The following ITPRID1 variants were observed in gnomAD, a reference collection of about 807,000 sequenced individuals.
ITPRID1 encodes protein ITPRID1.
Under a neutral mutation model 95.4 loss-of-function variants are expected in ITPRID1, and 96 were observed. That is an observed-to-expected ratio of 1.01 (90% CI 0.85 to 1.19). The LOEUF (loss-of-function observed/expected upper bound fraction) is 1.19, where lower values mean the gene tolerates loss of function less well. Ranked by LOEUF, ITPRID1 falls within the 50% of genes most tolerant of loss-of-function variation. The pLI is 0.00. For synonymous variants in ITPRID1, 510 were observed against 453.6 expected, an observed-to-expected ratio of 1.12 and a Z score of -1.58; for missense variants, 1,339 against 1,252.9, an observed-to-expected ratio of 1.07 and a Z score of -1.04.
intron 1 of ITPRID1, among the ~76,000 whole-genome samples, chr7:31,519,339 A>T (rs1214920223): frequency 6.6e-6 from 1 of 152,014 alleles, no homozygotes; most frequent in Non-Finnish European, 1.5e-5. Flanking sequence ...CATCATGAAT[A>T]CTCATTAAAT....
intron 10 of ITPRID1, among the ~76,000 whole-genome samples, chr7:31,590,922 T>C (rs933503359): frequency 6.6e-6 from 1 of 152,246 alleles, no homozygotes; most frequent in African/African-American, 2.4e-5. Flanking sequence ...AGAGGTTAAA[T>C]AAGTTGCCTC....
At chr7:31,658,642 TGA>T (rs1193447415), downstream of ITPRID1, 3 of 221,826 alleles carry the variant, frequency 1.4e-5, no homozygotes, top group Non-Finnish European at 2.6e-5. Context: ...TCTTGAAAAT[TGA>T]GAGAACAGGA....
intron 10 of ITPRID1, among the ~76,000 whole-genome samples, chr7:31,617,012 C>CT (rs1354850992): frequency 6.6e-5 from 10 of 152,174 alleles, no homozygotes; most frequent in African/African-American, 2.2e-4. Flanking sequence ...GTGCATTCTT[C>CT]TTTTCTTTAT....
chr7:31,622,101 A>T (rs1787964682), intron 10 of ITPRID1, among the ~76,000 whole-genome samples: 1 of 139,256 alleles, frequency 7.2e-6, no homozygotes, highest in Non-Finnish European at 1.6e-5. Context: ...CCAGATTCAT[A>T]AAGCAAGTCC....
At chr7:31,627,042 G>C (rs1347930719) in intron 10 of ITPRID1, among the ~76,000 whole-genome samples, 1 of 152,128 alleles carries the variant, frequency 6.6e-6, no homozygotes, top group Non-Finnish European at 1.5e-5. Context: ...AGGTGTTCTG[G>C]AGTATTTCTT....
intron 1 of ITPRID1, among the ~76,000 whole-genome samples, chr7:31,517,084 C>T (rs916859108): frequency 6.6e-6 from 1 of 152,122 alleles, no homozygotes; most frequent in Non-Finnish European, 1.5e-5. Context: ...TTGCAAAGAG[C>T]GAAAGAAACC....
chr7:31,542,414 T>A (rs1783962710), intron 1 of ITPRID1, among the ~76,000 whole-genome samples: 1 of 152,212 alleles, frequency 6.6e-6, no homozygotes, highest in South Asian at 2.1e-4. Context: ...ATCTCTGAGA[T>A]GACTCAAATT....
rs986387302 is a variant in ITPRID1 at position 31,652,706 on chromosome 7, C to G, written c.3012C>G (p.Phe1004Leu). Residue 1004 changes from phenylalanine to leucine, a missense_variant, in exon 15 of 15, where the codon TTC becomes TTG. Transcript: ENST00000615280. ...CAGGTGGGACCCAGTTGGCTGCCTT[C>G]ACTCCACCCACCTTGGAGAACAGCA... is the stretch of plus-strand genomic sequence containing the variant. ...PCSGGTQLAA[F>L]TPPTLENSTR... 4 of 1,613,994 alleles carry G rather than the reference C, an allele frequency of 2.5e-6. No individual in the cohort carries two copies. Among genetic ancestry groups the G allele is most frequent in the Non-Finnish European group, 3.4e-6 (4 of 1,179,886 alleles).
At chr7:31,592,838 CAA>C (rs1303872676) in intron 10 of ITPRID1, among the ~76,000 whole-genome samples, 1 of 152,038 alleles carries the variant, frequency 6.6e-6, no homozygotes, top group African/African-American at 2.4e-5. Context: ...AAATTGAACT[CAA>C]GTAATAAAAC....
At chr7:31,629,720 A>G (rs1037480874) in intron 10 of ITPRID1, among the ~76,000 whole-genome samples, 7 of 152,200 alleles carry the variant, frequency 4.6e-5, no homozygotes, top group African/African-American at 1.7e-4. Context: ...GTGGAGGTGC[A>G]TAGTTGTATT....
At chr7:31,515,903 G>A (rs1041793717) in intron 1 of ITPRID1, among the ~76,000 whole-genome samples, 3 of 152,202 alleles carry the variant, frequency 2.0e-5, no homozygotes, top group Non-Finnish European at 2.9e-5. Flanking sequence ...AAGTTTTAAC[G>A]AGGCTGAGCT....
chr7:31,632,893 T>C (rs1037639702), intron 10 of ITPRID1, among the ~76,000 whole-genome samples: 5 of 151,802 alleles, frequency 3.3e-5, no homozygotes, highest in African/African-American at 7.3e-5. Flanking sequence ...TTCATTCATT[T>C]ATTTATTTAT....
At chr7:31,514,679 A>C (rs1043750175) in intron 1 of ITPRID1, among the ~76,000 whole-genome samples, 1 of 152,134 alleles carries the variant, frequency 6.6e-6, no homozygotes. Context: ...TAATTTGCAA[A>C]ATGCCACAAG....
At chr7:31,554,365 T>G (rs1391166122) in intron 3 of ITPRID1, 110 bp from the exon 4 acceptor site, 1 of 1,452,490 alleles carries the variant, frequency 6.9e-7, no homozygotes, top group Admixed American at 2.4e-5. Flanking sequence ...GAAGGAAACA[T>G]GTGACTAAAT....
At chr7:31,650,396 C>A in intron 12 of ITPRID1, among the ~76,000 whole-genome samples, 1 of 151,960 alleles carries the variant, frequency 6.6e-6, no homozygotes, top group East Asian at 1.9e-4. Flanking sequence ...GTGGAGAGTT[C>A]CAAAGTTCTC....
chr7:31,623,677 C>T (rs1278328024), intron 10 of ITPRID1, among the ~76,000 whole-genome samples: 2 of 105,150 alleles, frequency 1.9e-5, no homozygotes, highest in African/African-American at 6.5e-5. Context: ...TGGAAGCATT[C>T]CCTTTGAAAA....
At chr7:31,576,510 C>T (rs534461287) in intron 8 of ITPRID1, among the ~76,000 whole-genome samples, 28 of 152,214 alleles carry the variant, frequency 1.8e-4, no homozygotes, top group African/African-American at 5.8e-4. Context: ...ACCCTCTGAT[C>T]GCAAAAGAGA....
At chr7:31,536,081 A>G (rs977067193) in intron 1 of ITPRID1, among the ~76,000 whole-genome samples, 3 of 152,104 alleles carry the variant, frequency 2.0e-5, no homozygotes, top group Admixed American at 1.3e-4. Flanking sequence ...TTCTGTCTCT[A>G]TTCTCCTTCT....
chr7:31,621,585 C>G (rs1283703571), intron 10 of ITPRID1, among the ~76,000 whole-genome samples: 5 of 147,450 alleles, frequency 3.4e-5, no homozygotes, highest in African/African-American at 7.6e-5. Context: ...CAGGCCTGCC[C>G]TAAAAGAGCT....
Sources: allele counts gnomAD v4.1 joint callset (sites outside exome capture counted in the v4.1 genomes callset), GRCh38; gene constraint gnomAD v4.1.1; transcripts MANE v1.5; gene names NCBI Gene and HGNC (gene_info 2026-07-23, HGNC 2026-07-21).